Variants in DUSP18 observed in about 807,000 individuals in gnomAD.
DUSP18 encodes dual specificity protein phosphatase 18.
DUSP18 carries 4 observed loss-of-function variants against 6.3 expected under a neutral mutation model. That is an observed-to-expected ratio of 0.63 (90% CI 0.31 to 1.45). DUSP18 has a LOEUF of 1.45. Ranked by LOEUF, DUSP18 falls within the 40% of genes most tolerant of loss-of-function variation. The pLI, the probability that DUSP18 is intolerant of heterozygous loss-of-function variation, is 0.07. For missense variants in DUSP18, 235 were observed against 247.7 expected (o/e 0.95, Z 0.34); for synonymous variants, 96 against 95.1 (o/e 1.01, Z -0.05).
At position 30,663,785 on chromosome 22, in the gene DUSP18, G is replaced by A; in HGVS notation, c.219C>T (p.Asp73=). 6.2e-7 allele frequency: 1 copy of A among 1,614,218 alleles called. No homozygotes were observed. Among genetic ancestry groups the A allele is most frequent in the Non-Finnish European group, 8.5e-7 (1 of 1,180,034 alleles). Residue 73 remains aspartate, a synonymous_variant, in exon 2 of 2, where the codon GAC becomes GAT. Transcript: ENST00000334679. ...DIQYMQVPVA[D]SPNSRLCDFF... ...AGTCACAGAGACGTGAGTTAGGGGA[G>A]TCAGCCACAGGTACCTGCATGTACT... is the stretch of plus-strand genomic sequence containing the variant.
downstream of DUSP18, among the ~76,000 whole-genome samples, chr22:30,661,093 G>A (rs1472786411): frequency 3.3e-5 from 5 of 152,154 alleles, no homozygotes; most frequent in South Asian, 2.1e-4. Flanking sequence ...TGGCCACCTC[G>A]GCCTCCCAAA....
In DUSP18 at chr22:30,661,864, A is replaced by G. The variant is rs955398354; in HGVS notation, c.*1573T>C. On this transcript the variant is annotated 3_prime_UTR_variant, in exon 2 of 2. Transcript: ENST00000334679. Reference sequence around the variant, plus strand: ...AGCCGGGGTGCAGGTTTTCATAGTGATTCTAAACAAGGCTGCAGTCACTGT... The same window carrying G: ...AGCCGGGGTGCAGGTTTTCATAGTGGTTCTAAACAAGGCTGCAGTCACTGT... 1 of 152,032 alleles carries G rather than the reference A, an allele frequency of 6.6e-6. No individual in the cohort carries two copies. The highest frequency in any genetic ancestry group is 1.5e-5 in the Non-Finnish European group (1 of 68,046). The allele number at this position is 152,032 out of a possible 1,614,324, so 9.4% of individuals were successfully genotyped here.
intron 2 of DUSP18, among the ~76,000 whole-genome samples, chr22:30,653,421 G>A (rs1043607839): frequency 1.3e-5 from 2 of 151,058 alleles, no homozygotes; most frequent in Non-Finnish European, 3.0e-5. Context: ...ACCCAGACTG[G>A]AGTGCAGTGG....
chr22:30,654,504 T>C lies in DUSP18; in HGVS notation c.*34-2207A>G, dbSNP rs372851461. The C allele has an allele frequency of 1.1e-3, 471 of 432,022 alleles. 2 individuals carry two copies. Among genetic ancestry groups the C allele is most frequent in the African/African-American group, 9.0e-3 (440 of 49,154 alleles). The allele number at this position is 432,022 out of a possible 1,614,324, so 26.8% of individuals were successfully genotyped here. ...GGTGGTGGGATGCCGTTAAACACCT[T>C]GAGGCGGTCTTGGGCGGCCTGGCTT... is the stretch of plus-strand genomic sequence containing the variant. On this transcript the variant is annotated intron_variant, in intron 2 of 2. Transcript: ENST00000404885.
At chr22:30,654,621 T>C in intron 2 of DUSP18, 1 of 461,856 alleles carries the variant, frequency 2.2e-6, no homozygotes, top group South Asian at 1.6e-5. Context: ...GGTAGGTGCC[T>C]CGGGAAGGGT....
chr22:30,655,461 A>T (rs2088321051), intron 2 of DUSP18, among the ~76,000 whole-genome samples: 2 of 148,818 alleles, frequency 1.3e-5, no homozygotes, highest in South Asian at 4.4e-4. Context: ...AAAAGAAAAA[A>T]AGAAGCCACT....
At chr22:30,654,422 G>T in intron 2 of DUSP18, 1 of 449,808 alleles carries the variant, frequency 2.2e-6, no homozygotes, top group South Asian at 1.6e-5. Context: ...TTTCTTGTAG[G>T]CTTCAGATGC....
In DUSP18 at chr22:30,664,082, T is replaced by C. The variant is rs1023750884; in HGVS notation, c.-77-2A>G. ...CTGCTAGGCTGTGTCCATGGAAAAC[T>C]GCAGAGAGGGAGAGGATGTTTAGAG... On this transcript the variant is annotated splice_acceptor_variant, in intron 1 of 1. Transcript: ENST00000334679. LOFTEE classifies it low-confidence loss of function (5UTR_SPLICE). The C allele has an allele frequency of 3.6e-6, 5 of 1,373,866 alleles. No homozygotes were observed. The African/African-American group carries it at 5.8e-5, about 16-fold the overall frequency. The allele number at this position is 1,373,866 out of a possible 1,614,324, so 85.1% of individuals were successfully genotyped here.
chr22:30,658,341 C>A (rs965917100), downstream of DUSP18, among the ~76,000 whole-genome samples: 1 of 151,130 alleles, frequency 6.6e-6, no homozygotes, highest in Non-Finnish European at 1.5e-5. Context: ...GAGTTTGAGA[C>A]CAGCCTGGGC....
Position 30,663,875 on chromosome 22 carries a change from G to T in DUSP18, c.129C>A (p.Ser43Arg). The change falls in exon 2 of 2, where the codon AGC becomes AGA. Residue 43 changes from serine (S) to arginine (R), a missense_variant. Ser to Arg is a moderately radical substitution (Grantham distance 110). Coordinates refer to ENST00000334679, the MANE Select transcript of DUSP18 (RefSeq NM_152511.5). Reference protein sequence around the residue: ...VAANNKLMLSSNQITMVINVS... With the variant: ...VAANNKLMLSRNQITMVINVS... ...CATTGATGACCATGGTGATCTGGTT[G>T]CTAGACAGCATGAGCTTGTTGTTGG... is the stretch of plus-strand genomic sequence containing the variant. The T allele has an allele frequency of 6.2e-7, 1 of 1,614,206 alleles. No individual in the cohort carries two copies. Among genetic ancestry groups the T allele is most frequent in the Non-Finnish European group, 8.5e-7 (1 of 1,180,042 alleles).
downstream of DUSP18, among the ~76,000 whole-genome samples, chr22:30,659,240 C>A (rs530727256): frequency 1.3e-5 from 2 of 151,986 alleles, no homozygotes; most frequent in Non-Finnish European, 2.9e-5. Flanking sequence ...AAACAAAAAC[C>A]TGACATTTTC....
At chr22:30,654,370 T>C in intron 2 of DUSP18, 2 of 463,656 alleles carry the variant, frequency 4.3e-6, no homozygotes, top group Non-Finnish European at 8.6e-6. Context: ...TGTCTGGTAC[T>C]TCCAGCCAAC....
At position 30,664,065 on chromosome 22, in the gene DUSP18, C is replaced by CT; in HGVS notation, c.-63dup. 1 of 1,482,872 alleles carries CT rather than the reference C, an allele frequency of 6.7e-7. No individual in the cohort carries two copies. Among genetic ancestry groups the CT allele is most frequent in the Non-Finnish European group, 9.2e-7 (1 of 1,092,244 alleles). The allele number at this position is 1,482,872 out of a possible 1,614,324, so 91.9% of individuals were successfully genotyped here. The stretch of plus-strand genomic sequence containing the variant: ...ACGAAGGCTGCGTCTTTCTGCTAGG[C>CT]TGTGTCCATGGAAAACTGCAGAGAG... On this transcript the variant is annotated 5_prime_UTR_variant, in exon 2 of 2. An upstream open reading frame in the 5' UTR gains an earlier in-frame stop. Coordinates refer to ENST00000334679, the MANE Select transcript of DUSP18 (RefSeq NM_152511.5).
chr22:30,663,299 A>G lies in DUSP18; in HGVS notation c.*138T>C. 1.2e-6 allele frequency: 1 copy of G among 820,880 alleles called. No homozygotes were observed. The highest frequency in any genetic ancestry group is 1.9e-5 in the South Asian group (1 of 51,968). The allele number at this position is 820,880 out of a possible 1,614,324, so 50.8% of individuals were successfully genotyped here. On this transcript the variant is annotated 3_prime_UTR_variant, in exon 2 of 2. Coordinates refer to ENST00000334679, the MANE Select transcript of DUSP18 (RefSeq NM_152511.5). ...GATTATAAAGTTAAAAGCTACAGCAACTCTTTTTTGTGCTCATAAAAGGCA... is the reference window on the plus strand; with the variant it reads ...GATTATAAAGTTAAAAGCTACAGCAGCTCTTTTTTGTGCTCATAAAAGGCA...
intron 2 of DUSP18, chr22:30,654,675 CT>C: frequency 2.3e-6 from 1 of 428,954 alleles, no homozygotes; most frequent in Non-Finnish European, 4.5e-6. Flanking sequence ...ACTTCAACTT[CT>C]TTCTATAGAC....
exon 3 of DUSP18, chr22:30,652,175 A>T (rs1202016738): frequency 6.6e-6 from 1 of 152,198 alleles, no homozygotes; most frequent in African/African-American, 2.4e-5. Flanking sequence ...TTGGTCAGGG[A>T]TGAAATCACA....
downstream of DUSP18, among the ~76,000 whole-genome samples, chr22:30,657,820 CGTGAACTCGGGAGGCGGAGCTTGCA>C (rs1245987722): frequency 6.6e-6 from 1 of 151,334 alleles, no homozygotes; most frequent in Non-Finnish European, 1.5e-5. Context: ...AGGAGAATGA[CGTGAACTCGGGAGGCGGAGCTTGCA>C]GTGAGCCAAG....
intron 1 of DUSP18, among the ~76,000 whole-genome samples, chr22:30,666,568 G>C (rs1162377143): frequency 7.5e-6 from 1 of 133,172 alleles, no homozygotes; most frequent in African/African-American, 3.1e-5. Context: ...GCTGCAGTGA[G>C]CCAAGATCGT....
At chr22:30,659,239 C>A (rs1402021391), downstream of DUSP18, among the ~76,000 whole-genome samples, 1 of 151,794 alleles carries the variant, frequency 6.6e-6, no homozygotes, top group Non-Finnish European at 1.5e-5. Flanking sequence ...AAAACAAAAA[C>A]CTGACATTTT....
Sources: allele counts gnomAD v4.1 joint callset (sites outside exome capture counted in the v4.1 genomes callset), GRCh38; gene constraint gnomAD v4.1.1; transcripts MANE v1.5; gene names NCBI Gene and HGNC (gene_info 2026-07-23, HGNC 2026-07-21).